SHANK2: variants seen among roughly 807,000 people sequenced by gnomAD.
SHANK2 encodes the protein SH3 and multiple ankyrin repeat domains 2.
Under a neutral mutation model 133.7 loss-of-function variants are expected in SHANK2, and 43 were observed. The observed-to-expected ratio is 0.32, with a 90% confidence interval of 0.25 to 0.41. SHANK2 has a LOEUF of 0.41. Ranked by LOEUF, SHANK2 falls within the 10% of genes least tolerant of loss-of-function variation. The probability of loss-of-function intolerance (pLI) is 1.00; values close to 1 mark genes in which losing one functional copy is unlikely to be tolerated. For missense variants in SHANK2, 1,994 were observed against 2,235.8 expected (o/e 0.89, Z 2.18); for synonymous variants, 1,017 against 952.8 (o/e 1.07, Z -1.24).
chr11:70,841,722 C>T (rs1948909393), intron 11 of SHANK2, among the ~76,000 whole-genome samples: 1 of 152,176 alleles, frequency 6.6e-6, no homozygotes, highest in Admixed American at 6.5e-5. Context: ...GAGTCTCCAG[C>T]CCGCAAAGCC....
At chr11:70,477,747 T>C (rs1211706122) in intron 25 of SHANK2, among the ~76,000 whole-genome samples, 2 of 152,222 alleles carry the variant, frequency 1.3e-5, no homozygotes, top group African/African-American at 4.8e-5. Context: ...CTGCCCCACA[T>C]TGCTATAGAA....
chr11:70,713,447 G>A (rs183795355), intron 14 of SHANK2, among the ~76,000 whole-genome samples: 9 of 152,200 alleles, frequency 5.9e-5, no homozygotes, highest in Non-Finnish European at 4.4e-5. Flanking sequence ...CAGAACCCCC[G>A]TAGCAGCAGG....
intron 10 of SHANK2, among the ~76,000 whole-genome samples, chr11:70,952,315 G>A (rs1488141119): frequency 6.6e-6 from 1 of 152,196 alleles, no homozygotes; most frequent in Non-Finnish European, 1.5e-5. Flanking sequence ...TGAGAACCAG[G>A]AATAGAATTC....
chr11:70,532,200 C>T (rs1202068701), intron 17 of SHANK2, among the ~76,000 whole-genome samples: 2 of 152,146 alleles, frequency 1.3e-5, no homozygotes, highest in East Asian at 1.9e-4. Context: ...TTCTCAGGAA[C>T]ATGTCAGTTC....
chr11:70,654,204 C>T (rs2061375644), intron 17 of SHANK2: 1 of 152,186 alleles, frequency 6.6e-6, no homozygotes, highest in African/African-American at 2.4e-5. Context: ...ATCACAAAAA[C>T]CATAGGCGTC....
At chr11:70,637,676 CT>C (rs1446722620) in intron 17 of SHANK2, among the ~76,000 whole-genome samples, 1 of 152,248 alleles carries the variant, frequency 6.6e-6, no homozygotes, top group African/African-American at 2.4e-5. Flanking sequence ...GGCTGGCGCC[CT>C]GGCGAGGGGA....
rs1194864184 is a variant in SHANK2, at chr11:70,472,328, C to G, written c.*541G>C. On this transcript the variant is annotated 3_prime_UTR_variant, in exon 26 of 26. Coordinates refer to ENST00000601538, the MANE Select transcript of SHANK2 (RefSeq NM_012309.5). The surrounding 1 kb of genome is among the most constrained non-coding windows in gnomAD (Gnocchi z 4.4). ...TGCCTTTCAGGCCCATGATGGGGCACTGGACAAATGCATCTGGGAGCATCT... is the reference window on the plus strand; with the variant it reads ...TGCCTTTCAGGCCCATGATGGGGCAGTGGACAAATGCATCTGGGAGCATCT... 1 of 161,222 alleles carries G rather than the reference C, an allele frequency of 6.2e-6. No individual in the cohort carries two copies. Among genetic ancestry groups the G allele is most frequent in the South Asian group, 1.8e-4 (1 of 5,474 alleles). 10.0% of individuals were successfully genotyped at this position (161,222 alleles called of 1,614,324 possible).
intron 14 of SHANK2, among the ~76,000 whole-genome samples, chr11:70,787,074 T>C (rs1199939560): frequency 7.0e-6 from 1 of 143,288 alleles, no homozygotes; most frequent in African/African-American, 2.7e-5. Context: ...ATCAGCACCA[T>C]GACCACCACC....
intron 10 of SHANK2, among the ~76,000 whole-genome samples, chr11:70,922,532 G>A (rs1555080873): frequency 2.0e-5 from 3 of 152,044 alleles, no homozygotes; most frequent in African/African-American, 7.2e-5. Flanking sequence ...CACACCGACA[G>A]CAGTCTTTCA....
At chr11:70,826,614 G>A in intron 11 of SHANK2, 2 of 457,198 alleles carry the variant, frequency 4.4e-6, no homozygotes, top group Non-Finnish European at 9.1e-6. Flanking sequence ...GACCCGGGGA[G>A]AGGTGGCGGG....
chr11:70,948,195 G>T (rs1405003201), intron 10 of SHANK2: 3 of 424,034 alleles, frequency 7.1e-6, no homozygotes, highest in African/African-American at 4.1e-5. Context: ...ACTCGCTTCC[G>T]CATTGCCAGC....
At chr11:70,803,447 G>A (rs1555051110) in intron 13 of SHANK2, among the ~76,000 whole-genome samples, 2 of 16,570 alleles carry the variant, frequency 1.2e-4, no homozygotes, top group African/African-American at 4.3e-4. Flanking sequence ...CACATGCTTG[G>A]GAAACAAACA....
At position 71,146,990 on chromosome 11, in the gene SHANK2, G is replaced by A. The variant is rs1278330940; in HGVS notation, c.207+130C>T. 272 of 734,834 alleles carry A rather than the reference G, an allele frequency of 3.7e-4. 1 individual carries two copies. The highest frequency in any genetic ancestry group is 2.8e-4 in the Non-Finnish European group (134 of 472,934). The allele number at this position is 734,834 out of a possible 1,614,324, so 45.5% of individuals were successfully genotyped here. A position where few individuals can be genotyped will look rare whatever the true frequency, so the allele number is the denominator to read the frequency against. ...GGGGACGGGGGCAGAAGTATGGAGC[G>A]AGGAAGGAGCACGGTGTGCCCAGAG... On this transcript the variant is annotated intron_variant, in intron 3 of 25. Coordinates refer to ENST00000601538, the MANE Select transcript of SHANK2 (RefSeq NM_012309.5).
intron 10 of SHANK2, chr11:70,951,020 A>G (rs1950827591): frequency 4.3e-6 from 1 of 233,482 alleles, no homozygotes; most frequent in Non-Finnish European, 8.4e-6. Flanking sequence ...ATGTGATGCT[A>G]TGCAAACTTC....
rs559464836 is a variant in SHANK2, at chr11:70,535,503, C to T, written c.2062-32572G>A. Among the ~76,000 whole-genome samples the T allele has an allele frequency of 2.0e-5, 3 of 152,308 alleles. No homozygotes were observed. The South Asian group carries it at 6.2e-4, about 32-fold the overall frequency. ...CCATCCATCCATCCATCCGTCCGTC[C>T]GTCCATCTATTCATCCATTCACCAT... On this transcript the variant is annotated intron_variant, in intron 17 of 25. Coordinates refer to ENST00000601538, the MANE Select transcript of SHANK2 (RefSeq NM_012309.5). The surrounding 1 kb of genome is among the most constrained non-coding windows in gnomAD (Gnocchi z 4.3).
chr11:70,952,917 AC>A, intron 10 of SHANK2: 1 of 224,856 alleles, frequency 4.4e-6, no homozygotes, highest in Non-Finnish European at 1.0e-5. Context: ...CACTAAGCTG[AC>A]CCCGAGGTGT....
intron 12 of SHANK2, among the ~76,000 whole-genome samples, chr11:70,817,276 C>T (rs1274264983): frequency 6.6e-6 from 1 of 152,222 alleles, no homozygotes; most frequent in South Asian, 2.1e-4. Context: ...CCTCTCAGCT[C>T]ATCAGTGCCC....
intron 11 of SHANK2, among the ~76,000 whole-genome samples, chr11:70,837,916 G>C (rs1005894533): frequency 3.7e-5 from 5 of 136,416 alleles, no homozygotes; most frequent in Non-Finnish European, 7.6e-5. Context: ...GGAAGTTCCA[G>C]TGAGCCAAGA....
At chr11:71,138,395 G>A (rs1462068615) in intron 3 of SHANK2, among the ~76,000 whole-genome samples, 3 of 152,202 alleles carry the variant, frequency 2.0e-5, no homozygotes, top group Non-Finnish European at 2.9e-5. Flanking sequence ...ATGCAAATGC[G>A]GTAATTATGT....
Sources: gnomAD v4.1 joint callset for allele counts (sites outside exome capture counted in the v4.1 genomes callset) on GRCh38, gnomAD v4.1.1 for gene constraint, Gnocchi (gnomAD v3.1) non-coding constraint, MANE v1.5 for transcripts, NCBI Gene and HGNC (gene_info 2026-07-23, HGNC 2026-07-21) for gene names.